Variants in ZBTB20 observed in about 807,000 individuals in gnomAD.
ZBTB20 encodes the protein zinc finger and BTB domain containing 20, also known as zinc finger and BTB domain-containing protein 20.
In ZBTB20, 9 loss-of-function variants were observed where a neutral mutation model predicts 56.9. That is an observed-to-expected ratio of 0.16 (90% CI 0.10 to 0.28). The LOEUF (loss-of-function observed/expected upper bound fraction) is 0.28, where lower values mean the gene tolerates loss of function less well. ZBTB20 is among the 10% of genes least tolerant of loss of function. The pLI is 1.00. For missense variants in ZBTB20, 655 were observed against 1,003.0 expected (o/e 0.65, Z 4.69); for synonymous variants, 417 against 420.7 (o/e 0.99, Z 0.11).
intron 2 of ZBTB20, among the ~76,000 whole-genome samples, chr3:115,048,044 C>T (rs2081397705): frequency 6.6e-6 from 1 of 151,554 alleles, no homozygotes; most frequent in Admixed American, 6.6e-5. Context: ...CACGGTGAAA[C>T]CCCAGTCTCT....
chr3:114,639,967 T>C (rs74344420), intron 6 of ZBTB20, among the ~76,000 whole-genome samples: 4,454 of 152,196 alleles, frequency 0.029, 211 homozygotes, highest in African/African-American at 0.1. Flanking sequence ...CCTAATACTG[T>C]CAAATTTAGC....
At chr3:114,855,103 T>C (rs1256751490) in intron 4 of ZBTB20, among the ~76,000 whole-genome samples, 1 of 152,204 alleles carries the variant, frequency 6.6e-6, no homozygotes, top group African/African-American at 2.4e-5. Context: ...TATCAATCAA[T>C]AATTATGTGT....
At chr3:115,137,713 T>TTA (rs1284330492) in intron 1 of ZBTB20, among the ~76,000 whole-genome samples, 1 of 152,056 alleles carries the variant, frequency 6.6e-6, no homozygotes, top group African/African-American at 2.4e-5. Context: ...ATATAATATT[T>TTA]TACCCCTCAT....
intron 4 of ZBTB20, among the ~76,000 whole-genome samples, chr3:114,818,675 C>A (rs1313909783): frequency 1.3e-5 from 2 of 151,664 alleles, no homozygotes; most frequent in Non-Finnish European, 2.9e-5. Flanking sequence ...TATGTTAATC[C>A]ACTTTACCAA....
At chr3:115,087,991 A>G (rs1464395171) in intron 1 of ZBTB20, among the ~76,000 whole-genome samples, 2 of 151,922 alleles carry the variant, frequency 1.3e-5, no homozygotes, top group African/African-American at 4.8e-5. Context: ...TTGTTGGGAT[A>G]CCACCTCCCA....
chr3:114,837,670 G>C (rs953796807), intron 4 of ZBTB20, among the ~76,000 whole-genome samples: 2 of 152,064 alleles, frequency 1.3e-5, no homozygotes, highest in African/African-American at 4.8e-5. Context: ...AGGGACTCAA[G>C]AGAAAAACCA....
chr3:114,989,759 G>A (rs1478369459), intron 2 of ZBTB20, among the ~76,000 whole-genome samples: 1 of 152,062 alleles, frequency 6.6e-6, no homozygotes, highest in South Asian at 2.1e-4. Flanking sequence ...CCATTTGTTT[G>A]TGTCCTCTTT....
intron 3 of ZBTB20, among the ~76,000 whole-genome samples, chr3:114,901,438 G>A (rs555998259): frequency 3.3e-5 from 5 of 152,138 alleles, no homozygotes; most frequent in African/African-American, 4.8e-5. Flanking sequence ...CAACATCTTC[G>A]TATATTCTGA....
intron 7 of ZBTB20, among the ~76,000 whole-genome samples, chr3:114,492,427 C>T (rs921863037): frequency 2.6e-5 from 4 of 152,176 alleles, no homozygotes; most frequent in Non-Finnish European, 5.9e-5. Context: ...ATGGTATTAT[C>T]CTTCATATAG....
intron 4 of ZBTB20, among the ~76,000 whole-genome samples, chr3:114,867,633 C>T (rs1246814772): frequency 1.1e-4 from 17 of 152,116 alleles, no homozygotes; most frequent in Admixed American, 7.2e-4. Flanking sequence ...TGGGATCTCA[C>T]CATGTTGGCC....
chr3:114,659,885 A>G (rs2060624407), intron 6 of ZBTB20, among the ~76,000 whole-genome samples: 2 of 152,194 alleles, frequency 1.3e-5, no homozygotes, highest in South Asian at 4.1e-4. Context: ...TCTGAATGCA[A>G]TATCAGTGGA....
At chr3:114,818,804 C>T (rs986724455) in intron 4 of ZBTB20, among the ~76,000 whole-genome samples, 5 of 151,766 alleles carry the variant, frequency 3.3e-5, no homozygotes, top group African/African-American at 1.2e-4. Flanking sequence ...ACAACGATTA[C>T]TTAACTGTTT....
chr3:114,456,311 G>A (rs761017558), intron 7 of ZBTB20, among the ~76,000 whole-genome samples: 15 of 151,982 alleles, frequency 9.9e-5, no homozygotes, highest in Non-Finnish European at 1.8e-4. Flanking sequence ...ATATTGTAGA[G>A]GCCTCGTCTC....
chr3:114,450,358 C>T (rs537077035), intron 7 of ZBTB20, among the ~76,000 whole-genome samples: 75 of 152,278 alleles, frequency 4.9e-4, no homozygotes, highest in Non-Finnish European at 9.4e-4. Context: ...CCAAGTTTAA[C>T]GTTCTGAGAC....
rs2079480504 is a variant in ZBTB20 at position 114,337,026 on chromosome 3, C to T, written c.*1979G>A. On this transcript the variant is annotated 3_prime_UTR_variant, in exon 12 of 12. Coordinates refer to ENST00000675478, the MANE Select transcript of ZBTB20 (RefSeq NM_001348800.3). ...CTTGATCAGGACCGAGGAGAGAAATCCCTACTAGGAAGAGAGAGTGGCATC... is the reference window on the plus strand; with the variant it reads ...CTTGATCAGGACCGAGGAGAGAAATTCCTACTAGGAAGAGAGAGTGGCATC... 1 of 152,124 alleles carries T rather than the reference C, an allele frequency of 6.6e-6. No individual in the cohort carries two copies. The highest frequency in any genetic ancestry group is 1.5e-5 in the Non-Finnish European group (1 of 68,032). The allele number at this position is 152,124 out of a possible 1,614,324, so 9.4% of individuals were successfully genotyped here. A position where few individuals can be genotyped will look rare whatever the true frequency, so the allele number is the denominator to read the frequency against.
chr3:114,485,040 G>A (rs1015572634), intron 7 of ZBTB20, among the ~76,000 whole-genome samples: 2 of 152,136 alleles, frequency 1.3e-5, no homozygotes, highest in Non-Finnish European at 2.9e-5. Context: ...TTTGGAAGAT[G>A]GTAAGGACTC....
At chr3:115,138,931 T>C (rs2084732260) in intron 1 of ZBTB20, among the ~76,000 whole-genome samples, 1 of 151,946 alleles carries the variant, frequency 6.6e-6, no homozygotes, top group African/African-American at 2.4e-5. Flanking sequence ...TCAATATGTA[T>C]ACTGGGTTTC....
intron 2 of ZBTB20, among the ~76,000 whole-genome samples, chr3:115,032,958 T>TAAAAAAAAA (rs77048136): frequency 2.5e-3 from 139 of 56,144 alleles, no homozygotes; most frequent in Non-Finnish European, 3.0e-3. Context: ...CCTAAGGAAC[T>TAAAAAAAAA]AAAAAAAAAA....
chr3:114,960,831 A>AG (rs1292695965), intron 3 of ZBTB20, among the ~76,000 whole-genome samples: 1 of 152,214 alleles, frequency 6.6e-6, no homozygotes, highest in African/African-American at 2.4e-5. Flanking sequence ...TGAGGATATC[A>AG]GAAAAAAATG....
Sources: allele counts gnomAD v4.1 joint callset (sites outside exome capture counted in the v4.1 genomes callset), GRCh38; gene constraint gnomAD v4.1.1; transcripts MANE v1.5; gene names NCBI Gene and HGNC (gene_info 2026-07-23, HGNC 2026-07-21).